The following LDLRAD3 variants were observed in gnomAD, a reference collection of about 807,000 sequenced individuals.
The protein encoded by LDLRAD3 is low-density lipoprotein receptor class A domain-containing protein 3.
LDLRAD3 carries 20 observed loss-of-function variants against 29.4 expected under a neutral mutation model. The observed-to-expected ratio is 0.68, with a 90% confidence interval of 0.48 to 0.99. The LOEUF (loss-of-function observed/expected upper bound fraction) is 0.99, where lower values mean the gene tolerates loss of function less well. LDLRAD3 is among the 50% of genes least tolerant of loss of function. The pLI, the probability that LDLRAD3 is intolerant of heterozygous loss-of-function variation, is 0.00. For synonymous variants in LDLRAD3, 157 were observed against 192.7 expected (o/e 0.81, Z 1.53); for missense variants, 420 against 454.3 (o/e 0.92, Z 0.69).
intron 1 of LDLRAD3, among the ~76,000 whole-genome samples, chr11:36,017,905 G>A (rs1852044562): frequency 6.6e-6 from 1 of 152,166 alleles, no homozygotes; most frequent in Non-Finnish European, 1.5e-5. Flanking sequence ...TGAAAGCTCT[G>A]TTCTACTGTG....
chr11:35,950,075 T>C (rs1333843209), intron 1 of LDLRAD3, among the ~76,000 whole-genome samples: 1 of 152,254 alleles, frequency 6.6e-6, no homozygotes, highest in Non-Finnish European at 1.5e-5. Flanking sequence ...GGCGAAGCCA[T>C]GTAAAACTTG....
chr11:36,019,141 T>C (rs988642031), intron 1 of LDLRAD3, among the ~76,000 whole-genome samples: 3 of 152,180 alleles, frequency 2.0e-5, no homozygotes, highest in African/African-American at 7.2e-5. Context: ...TGTAAATGCA[T>C]TATCATTTGT....
chr11:36,166,832 A>G (rs902624285), intron 4 of LDLRAD3, among the ~76,000 whole-genome samples: 22 of 152,270 alleles, frequency 1.4e-4, no homozygotes, highest in African/African-American at 5.3e-4. Context: ...GAGAGAATGC[A>G]TGTCTGTCAA....
rs1363833073 is a variant in LDLRAD3, at chr11:36,230,964, T to C, written c.*1567T>C. On this transcript the variant is annotated 3_prime_UTR_variant, in exon 6 of 6. Transcript: ENST00000315571. The stretch of plus-strand genomic sequence containing the variant: ...TGTTTGTGCTAGTTTTTCTTTTTTT[T>C]CTCTGTGTCCAGTCAGCCACAGGGC... The C allele has an allele frequency of 6.6e-6, 1 of 152,404 alleles. No homozygotes were observed. Among genetic ancestry groups the C allele is most frequent in the East Asian group, 1.9e-4 (1 of 5,188 alleles). The allele number at this position is 152,404 out of a possible 1,614,324, so 9.4% of individuals were successfully genotyped here.
At chr11:35,979,021 A>T (rs1019993875) in intron 1 of LDLRAD3, among the ~76,000 whole-genome samples, 6 of 152,112 alleles carry the variant, frequency 3.9e-5, no homozygotes, top group Non-Finnish European at 7.4e-5. Flanking sequence ...ATTTGCTTTC[A>T]TATTTGAGTT....
At chr11:36,140,992 T>TTCTTTCTCTCTCTCTCTCTCTC (rs1279929124) in intron 4 of LDLRAD3, among the ~76,000 whole-genome samples, 9 of 110,048 alleles carry the variant, frequency 8.2e-5, no homozygotes, top group African/African-American at 2.9e-4. Flanking sequence ...CTGTTGAGCT[T>TTCTTTCTCTCTCTCTCTCTCTC]TCTCTCTCTC....
At chr11:36,061,224 C>T (rs184483518) in intron 2 of LDLRAD3, among the ~76,000 whole-genome samples, 8 of 152,294 alleles carry the variant, frequency 5.3e-5, no homozygotes, top group African/African-American at 9.6e-5. Flanking sequence ...CTGCAACCTC[C>T]GCCTGCTGAG....
At chr11:36,045,870 A>C (rs1358477972) in intron 2 of LDLRAD3, among the ~76,000 whole-genome samples, 1 of 152,092 alleles carries the variant, frequency 6.6e-6, no homozygotes, top group African/African-American at 2.4e-5. Context: ...ATAGGTATAC[A>C]TGTGCCATGG....
At chr11:36,046,236 C>T (rs1473548922) in intron 2 of LDLRAD3, among the ~76,000 whole-genome samples, 3 of 152,134 alleles carry the variant, frequency 2.0e-5, no homozygotes, top group Non-Finnish European at 4.4e-5. Flanking sequence ...AATGGGAGTT[C>T]CCCTGTACCA....
chr11:36,229,612 C>A lies in LDLRAD3; in HGVS notation c.*215C>A. ...ATGATCTGTTGTGCGTCTTTTCTGT[C>A]AGGTCACTCTTCCCTTGGGACCCGA... is the stretch of plus-strand genomic sequence containing the variant. On this transcript the variant is annotated 3_prime_UTR_variant, in exon 6 of 6. Transcript: ENST00000315571. 2 of 471,080 alleles carry A rather than the reference C, an allele frequency of 4.2e-6. No homozygotes were observed. The highest frequency in any genetic ancestry group is 7.5e-6 in the Non-Finnish European group (2 of 266,234). The allele number at this position is 471,080 out of a possible 1,614,324, so 29.2% of individuals were successfully genotyped here.
At chr11:36,206,889 G>A (rs954164980) in intron 4 of LDLRAD3, among the ~76,000 whole-genome samples, 4 of 151,780 alleles carry the variant, frequency 2.6e-5, no homozygotes, top group African/African-American at 4.8e-5. Flanking sequence ...CACCAAGCCC[G>A]GGTAATTTCT....
At chr11:36,211,897 G>C (rs1029282581) in intron 4 of LDLRAD3, among the ~76,000 whole-genome samples, 7 of 152,130 alleles carry the variant, frequency 4.6e-5, no homozygotes, top group Non-Finnish European at 1.0e-4. Context: ...TATTCGCTCT[G>C]GCTGCTGACT....
At chr11:36,128,654 G>T (rs1175021348) in intron 4 of LDLRAD3, among the ~76,000 whole-genome samples, 1 of 152,136 alleles carries the variant, frequency 6.6e-6, no homozygotes, top group Non-Finnish European at 1.5e-5. Context: ...TTCAAGACCA[G>T]CTTGGGCAAC....
At chr11:36,007,325 G>A (rs1044176733) in intron 1 of LDLRAD3, among the ~76,000 whole-genome samples, 1 of 152,164 alleles carries the variant, frequency 6.6e-6, no homozygotes, top group Non-Finnish European at 1.5e-5. Flanking sequence ...CACTGAATTG[G>A]CAGGTTGGTG....
intron 1 of LDLRAD3, among the ~76,000 whole-genome samples, chr11:36,012,674 C>T (rs1048382192): frequency 1.2e-4 from 18 of 152,120 alleles, no homozygotes; most frequent in African/African-American, 3.9e-4. Flanking sequence ...CAGAGCAGGA[C>T]GACACGAGAT....
At chr11:36,028,302 C>T (rs1447423744) in intron 1 of LDLRAD3, among the ~76,000 whole-genome samples, 1 of 152,204 alleles carries the variant, frequency 6.6e-6, no homozygotes, top group Non-Finnish European at 1.5e-5. Flanking sequence ...AGGCACCTGG[C>T]ACTTGCTAGT....
chr11:36,170,564 C>A (rs556271414), intron 4 of LDLRAD3, among the ~76,000 whole-genome samples: 2 of 152,036 alleles, frequency 1.3e-5, no homozygotes, highest in South Asian at 2.1e-4. Flanking sequence ...ACTTTTAGTT[C>A]TTTAAGGAAT....
intron 2 of LDLRAD3, among the ~76,000 whole-genome samples, chr11:36,074,347 G>A (rs564938638): frequency 6.6e-6 from 1 of 152,262 alleles, no homozygotes; most frequent in South Asian, 2.1e-4. Flanking sequence ...ACTAAGGGTG[G>A]GAGTGTAGGT....
intron 1 of LDLRAD3, among the ~76,000 whole-genome samples, chr11:35,992,236 T>C (rs1034538207): frequency 6.6e-6 from 1 of 152,160 alleles, no homozygotes; most frequent in African/African-American, 2.4e-5. Flanking sequence ...GATTTTATGG[T>C]CTTTATTTCG....
Sources: gnomAD v4.1 joint callset for allele counts (sites outside exome capture counted in the v4.1 genomes callset) on GRCh38, gnomAD v4.1.1 for gene constraint, MANE v1.5 for transcripts, NCBI Gene and HGNC (gene_info 2026-07-23, HGNC 2026-07-21) for gene names.